Variants in PDIA6 observed in about 807,000 individuals in gnomAD.
The protein encoded by PDIA6 is protein disulfide-isomerase A6.
In PDIA6, 29 loss-of-function variants were observed where a neutral mutation model predicts 58.4. The ratio of observed to expected loss-of-function variants is 0.50; its 90% confidence interval spans 0.37 to 0.68. PDIA6 has a LOEUF of 0.68. PDIA6 is among the 30% of genes least tolerant of loss of function. The pLI is 0.00. For missense variants in PDIA6, 480 were observed against 551.0 expected (o/e 0.87, Z 1.29); for synonymous variants, 192 against 202.6 (o/e 0.95, Z 0.44).
rs750104571 is a variant in PDIA6, at chr2:10,788,942, G to C, written c.880C>G (p.His294Asp). 6.2e-7 allele frequency: 1 copy of C among 1,614,138 alleles called. No individual in the cohort carries two copies. Among genetic ancestry groups the C allele is most frequent in the East Asian group, 2.2e-5 (1 of 44,882 alleles). The change falls in exon 9 of 13, where the codon CAC becomes GAC. Residue 294 changes from histidine (H) to aspartate (D), a missense_variant. Coordinates refer to ENST00000272227, the MANE Select transcript of PDIA6 (RefSeq NM_005742.4). ...AGCACAGCCACAACACAGAGCTGGTGCTCCTCACACGTCCTCTTGGCAATG... is the reference window on the plus strand; with the variant it reads ...AGCACAGCCACAACACAGAGCTGGTCCTCCTCACACGTCCTCTTGGCAATG... ...EDIAKRTCEE[H>D]QLCVVAVLPH...
chr2:10,817,634 C>A (rs1667238367), upstream of PDIA6, among the ~76,000 whole-genome samples: 1 of 152,246 alleles, frequency 6.6e-6, no homozygotes, highest in Non-Finnish European at 1.5e-5. Context: ...ATAATCCCAA[C>A]TGCTTAGCCA....
At chr2:10,821,735 C>T (rs1418237384) in intron 1 of PDIA6, among the ~76,000 whole-genome samples, 3 of 151,924 alleles carry the variant, frequency 2.0e-5, no homozygotes, top group African/African-American at 7.3e-5. Flanking sequence ...AGTGATCCCC[C>T]TGCCTCAGGC....
intron 1 of PDIA6, among the ~76,000 whole-genome samples, chr2:10,827,909 A>AT (rs893371008): frequency 3.1e-4 from 47 of 151,018 alleles, no homozygotes; most frequent in African/African-American, 1.0e-3. Context: ...TTTTATTTTT[A>AT]TTTTTTTAAT....
chr2:10,784,322 G>A lies in PDIA6; in HGVS notation c.1259C>T (p.Pro420Leu), dbSNP rs746215699. 7 of 1,612,174 alleles carry A rather than the reference G, an allele frequency of 4.3e-6. No homozygotes were observed. The highest frequency in any genetic ancestry group is 4.0e-5 in the African/African-American group (3 of 74,822). ...ACTGAGGTCAATGTCATCCTCCACGGGAAGCTGGGAGACGACAGAAAGCCA... is the reference window on the plus strand; with the variant it reads ...ACTGAGGTCAATGTCATCCTCCACGAGAAGCTGGGAGACGACAGAAAGCCA... ...EPWDGRDGEL[P>L]VEDDIDLSDV... Residue 420 changes from proline to leucine, a missense_variant, in exon 13 of 13, where the codon CCC (proline) becomes CTC (leucine). By Grantham distance (98) the Pro-to-Leu change is moderately conservative. Transcript: ENST00000272227.
At chr2:10,806,758 A>T (rs4669628) in intron 1 of PDIA6, among the ~76,000 whole-genome samples, 72,667 of 149,922 alleles carry the variant, frequency 0.48, 19,268 homozygotes, top group Middle Eastern at 0.58. Context: ...CAGGTGTACT[A>T]TTTTAATCTT....
upstream of PDIA6, among the ~76,000 whole-genome samples, chr2:10,835,992 A>G (rs1667824697): frequency 6.6e-6 from 1 of 151,926 alleles, no homozygotes; most frequent in Admixed American, 6.6e-5. Flanking sequence ...CAGAGTTTGT[A>G]GTGAGCCAAG....
intron 4 of PDIA6, among the ~76,000 whole-genome samples, chr2:10,795,485 C>T (rs1162968022): frequency 5.2e-5 from 6 of 115,176 alleles, no homozygotes; most frequent in Non-Finnish European, 1.1e-4. Flanking sequence ...ACATCTTCAT[C>T]TTCAGACGAA....
At chr2:10,815,228 G>A (rs1385634668), upstream of PDIA6, among the ~76,000 whole-genome samples, 1 of 152,182 alleles carries the variant, frequency 6.6e-6, no homozygotes, top group Non-Finnish European at 1.5e-5. Context: ...GCACCAGGGC[G>A]TGTTGCTCAT....
upstream of PDIA6, among the ~76,000 whole-genome samples, chr2:10,813,680 G>C (rs1483555280): frequency 2.0e-5 from 3 of 151,196 alleles, no homozygotes. Context: ...TTGTTGCCCA[G>C]GCTGGAGTGC....
chr2:10,792,975 T>C (rs1450179103), intron 5 of PDIA6, 121 bp downstream of exon 5: 6 of 705,832 alleles, frequency 8.5e-6, no homozygotes, highest in Non-Finnish European at 1.5e-5. Context: ...CAATCCTCTA[T>C]TATTCTTTAA....
At chr2:10,808,552 G>A (rs1470189600) in intron 1 of PDIA6, among the ~76,000 whole-genome samples, 2 of 152,172 alleles carry the variant, frequency 1.3e-5, no homozygotes, top group Non-Finnish European at 2.9e-5. Context: ...TAAAATACAG[G>A]GAGTATCTGA....
intron 3 of PDIA6, 86 bp from the exon 4 acceptor site, chr2:10,797,293 G>A: frequency 7.3e-7 from 1 of 1,362,590 alleles, no homozygotes; most frequent in Non-Finnish European, 1.0e-6. Flanking sequence ...CATAGACTCA[G>A]AAAAAGGTAA....
intron 1 of PDIA6, among the ~76,000 whole-genome samples, chr2:10,803,068 G>C (rs956779850): frequency 5.3e-5 from 8 of 152,158 alleles, no homozygotes; most frequent in African/African-American, 1.9e-4. Flanking sequence ...GCAATTATTA[G>C]CACATTATCT....
intron 1 of PDIA6, among the ~76,000 whole-genome samples, chr2:10,806,166 A>G (rs913644383): frequency 1.3e-5 from 2 of 151,658 alleles, no homozygotes; most frequent in Non-Finnish European, 2.9e-5. Context: ...TCAGGAATTC[A>G]AGACCAGCCT....
Position 10,802,621 on chromosome 2 carries a change from G to C in PDIA6, c.39C>G (p.Phe13Leu). The change falls in exon 2 of 13, where the codon TTC becomes TTG. Residue 13 changes from phenylalanine (F) to leucine (L), a missense_variant. Physicochemically the swap from Phe to Leu is conservative, Grantham distance 22. Coordinates refer to ENST00000272227, the MANE Select transcript of PDIA6 (RefSeq NM_005742.4). ...LLVLGLVSCTFFLAVNGLYSS... is the reference protein window; with the variant it reads ...LLVLGLVSCTLFLAVNGLYSS... ...AATACAGACCATTCACTGCCAGAAA[G>C]AAGGTACAGCTCACCAGACCTGAAG... 2.7e-6 allele frequency: 4 copies of C among 1,474,852 alleles called. No homozygotes were observed. The highest frequency in any genetic ancestry group is 3.6e-6 in the Non-Finnish European group (4 of 1,114,360). 91.4% of individuals were successfully genotyped at this position (1,474,852 alleles called of 1,614,324 possible).
At position 10,784,563 on chromosome 2, in the gene PDIA6, G is replaced by C. The variant is rs370420114; in HGVS notation, c.1255-237C>G. The C allele has an allele frequency of 4.8e-5, 25 of 516,512 alleles. 1 individual carries two copies. Among genetic ancestry groups the C allele is most frequent in the African/African-American group, 3.9e-4 (20 of 51,828 alleles). The allele number at this position is 516,512 out of a possible 1,614,324, so 32.0% of individuals were successfully genotyped here. A position where few individuals can be genotyped will look rare whatever the true frequency, so the allele number is the denominator to read the frequency against. ...ACCATTTTAACACTGGAAGCCACTT[G>C]AACGTGTCCTTTTGAGGAGGGTGGG... On this transcript the variant is annotated intron_variant, in intron 12 of 12. Transcript: ENST00000272227.
At chr2:10,791,947 A>G (rs774855670) in intron 5 of PDIA6, 22 bp from the exon 6 acceptor site, 2 of 1,610,334 alleles carry the variant, frequency 1.2e-6, no homozygotes, top group Non-Finnish European at 1.7e-6. Context: ...GACATTAAAC[A>G]TCAAACAATT....
At chr2:10,804,811 A>ATGT (rs1666664297) in intron 1 of PDIA6, among the ~76,000 whole-genome samples, 1 of 139,200 alleles carries the variant, frequency 7.2e-6, no homozygotes, top group South Asian at 2.6e-4. Context: ...TGAGCATGGA[A>ATGT]TGTTCTTCCA....
intron 8 of PDIA6, 71 bp from the exon 9 acceptor site, chr2:10,789,052 CA>C: frequency 9.0e-7 from 1 of 1,111,048 alleles, no homozygotes; most frequent in South Asian, 1.2e-5. Context: ...AGCTGGCAAA[CA>C]AGACCTTCGC....
Sources: gnomAD v4.1 joint callset for allele counts (sites outside exome capture counted in the v4.1 genomes callset) on GRCh38, gnomAD v4.1.1 for gene constraint, MANE v1.5 for transcripts, NCBI Gene and HGNC (gene_info 2026-07-23, HGNC 2026-07-21) for gene names.